Variants in IGF2R observed in about 807,000 individuals in gnomAD.
IGF2R encodes cation-independent mannose-6-phosphate receptor.
In IGF2R, 91 loss-of-function variants were observed where a neutral mutation model predicts 270.6. The ratio of observed to expected loss-of-function variants is 0.34; its 90% CI spans 0.28 to 0.40. IGF2R has a LOEUF of 0.40. Among genes scored for constraint, IGF2R ranks in the 10% least tolerant of loss-of-function variants. IGF2R has a pLI of 1.00. For synonymous variants in IGF2R, 1,316 were observed against 1,258.9 expected (o/e 1.05, Z -0.96); for missense variants, 2,805 against 3,188.3 (o/e 0.88, Z 2.90).
At chr6:160,061,708 G>A in intron 24 of IGF2R, 45 bp from the exon 25 acceptor site, 1 of 1,613,512 alleles carries the variant, frequency 6.2e-7, no homozygotes, top group Non-Finnish European at 8.5e-7. Flanking sequence ...TTGACTCAAG[G>A]TCATCGCCTT....
In IGF2R at chr6:160,073,900, A is replaced by G. The variant is rs1425115448; in HGVS notation, c.5091A>G (p.Pro1697=). 6.2e-7 allele frequency: 1 copy of G among 1,614,218 alleles called. No homozygotes were observed. The highest frequency in any genetic ancestry group is 8.5e-7 in the Non-Finnish European group (1 of 1,180,034). ...ATTTCTACATCAATATTTGTCAGCC[A>G]CTAAATCCCATGCACGGAGTGCCCT... ...NPDFYINICQ[P]LNPMHGVPCP... Residue 1697 remains proline, a synonymous_variant, in exon 35 of 48, where the codon CCA becomes CCG. Transcript: ENST00000356956.
intron 36 of IGF2R, 64 bp from the exon 37 acceptor site, chr6:160,078,137 T>C (rs1432094876): frequency 6.5e-7 from 1 of 1,527,716 alleles, no homozygotes; most frequent in African/African-American, 1.4e-5. Context: ...AGGGACGTGG[T>C]GTGTCACTGC....
intron 17 of IGF2R, 124 bp from the exon 18 acceptor site, chr6:160,048,251 C>G: frequency 2.1e-6 from 2 of 930,716 alleles, no homozygotes; most frequent in Non-Finnish European, 3.4e-6. Context: ...AAGCCAACTC[C>G]TGGTAGTGTG....
At chr6:159,979,261 T>G (rs1294963747) in intron 1 of IGF2R, among the ~76,000 whole-genome samples, 1 of 152,116 alleles carries the variant, frequency 6.6e-6, no homozygotes, top group Non-Finnish European at 1.5e-5. Context: ...TGTTTAGTAC[T>G]GAAAAAACTC....
chr6:160,045,926 C>T (rs1197386713), intron 14 of IGF2R, 44 bp downstream of exon 14: 2 of 1,466,398 alleles, frequency 1.4e-6, no homozygotes, highest in African/African-American at 1.4e-5. Flanking sequence ...GACTTGGAAC[C>T]ACTTAAGGTT....
At chr6:159,976,335 A>G (rs758334541) in intron 1 of IGF2R, among the ~76,000 whole-genome samples, 13 of 152,146 alleles carry the variant, frequency 8.5e-5, no homozygotes, top group Non-Finnish European at 1.6e-4. Context: ...TTGATACTCT[A>G]TAGCTCTAGG....
In IGF2R at chr6:160,070,065, G is replaced by A. The variant is rs568979667; in HGVS notation, c.4443+7G>A. ...CTGCAGCGAGAGCCAAGTGGTAAGGGACTGTTCCTGCACCTTCTGCTGTTG... is the reference window on the plus strand; with the variant it reads ...CTGCAGCGAGAGCCAAGTGGTAAGGAACTGTTCCTGCACCTTCTGCTGTTG... On this transcript the variant is annotated splice_region_variant and intron_variant, in intron 31 of 47. Transcript: ENST00000356956. 1.4e-5 allele frequency: 23 copies of A among 1,613,668 alleles called. 1 individual carries two copies. The South Asian group carries it at 2.4e-4, about 17-fold the overall frequency.
chr6:160,011,567 T>G (rs1784335672), intron 4 of IGF2R, among the ~76,000 whole-genome samples: 1 of 151,676 alleles, frequency 6.6e-6, no homozygotes, highest in South Asian at 2.1e-4. Flanking sequence ...TTTTTTTTTT[T>G]TGTGAGGACT....
In IGF2R at chr6:159,978,182, A is replaced by T. The variant is rs189097587; in HGVS notation, c.149+8787A>T. 3.3e-5 allele frequency among the ~76,000 whole-genome samples: 5 copies of T among 152,214 alleles called. No individual in the cohort carries two copies. In the East Asian group the frequency reaches 9.6e-4, roughly 29 times the overall value. On this transcript the variant is annotated intron_variant, in intron 1 of 47. Transcript: ENST00000356956. ...CACTCCACGTAAGCTTCCTCATGAG[A>T]AAGAAAGGTTTCCACTGTTTAAAAA...
chr6:160,030,390 C>G (rs550103695), intron 7 of IGF2R, among the ~76,000 whole-genome samples: 1 of 152,302 alleles, frequency 6.6e-6, no homozygotes, highest in Non-Finnish European at 1.5e-5. Context: ...CCCCTTCCCC[C>G]AAGCAAATGT....
At chr6:159,986,354 C>T (rs1312494759) in intron 1 of IGF2R, among the ~76,000 whole-genome samples, 1 of 151,424 alleles carries the variant, frequency 6.6e-6, no homozygotes, top group East Asian at 1.9e-4. Flanking sequence ...GCCTCAGCCT[C>T]CCGAGTAGTT....
intron 34 of IGF2R, 121 bp from the exon 35 acceptor site, chr6:160,073,636 C>A (rs1309137220): frequency 1.2e-5 from 13 of 1,071,950 alleles, no homozygotes; most frequent in Non-Finnish European, 1.8e-5. Flanking sequence ...TGTAATGAAG[C>A]ATTTTGACAC....
chr6:160,077,806 A>G (rs530352567), intron 36 of IGF2R, among the ~76,000 whole-genome samples: 1 of 152,394 alleles, frequency 6.6e-6, no homozygotes, highest in East Asian at 1.9e-4. Context: ...GCCATGTGGC[A>G]TCTTGCCCCT....
intron 6 of IGF2R, 58 bp downstream of exon 6, chr6:160,027,372 T>A: frequency 6.5e-7 from 1 of 1,539,864 alleles, no homozygotes. Context: ...GACCTGACTT[T>A]CAGGGAGCTG....
chr6:160,039,513 C>T (rs552893171), intron 10 of IGF2R, among the ~76,000 whole-genome samples: 28 of 152,248 alleles, frequency 1.8e-4, no homozygotes, highest in Admixed American at 2.6e-4. Flanking sequence ...ACAGGTTTGC[C>T]GCTGTGGCTG....
intron 1 of IGF2R, among the ~76,000 whole-genome samples, chr6:159,988,069 A>G (rs1002985342): frequency 1.3e-5 from 2 of 152,222 alleles, no homozygotes; most frequent in Non-Finnish European, 2.9e-5. Context: ...TGAATAGAGC[A>G]ACACTTTTCT....
At position 160,105,087 on chromosome 6, in the gene IGF2R, C is replaced by T; in HGVS notation, c.*3C>T. 1 of 1,561,400 alleles carries T rather than the reference C, an allele frequency of 6.4e-7. No homozygotes were observed. Among genetic ancestry groups the T allele is most frequent in the Non-Finnish European group, 8.7e-7 (1 of 1,152,560 alleles). ...ACGAGGACCTCTTACACATCTGACT[C>T]CGCAGTGCCTGCAGGGGAGCACGGA... On this transcript the variant is annotated 3_prime_UTR_variant, in exon 48 of 48. Coordinates refer to ENST00000356956, the MANE Select transcript of IGF2R (RefSeq NM_000876.4).
At chr6:160,100,841 A>AGT (rs1779470346) in intron 45 of IGF2R, among the ~76,000 whole-genome samples, 1 of 104,920 alleles carries the variant, frequency 9.5e-6, no homozygotes, top group Non-Finnish European at 1.9e-5. Context: ...CCCAGGCTGG[A>AGT]GTGCAGTGGT....
chr6:160,063,010 T>C (rs1778474987), intron 26 of IGF2R, among the ~76,000 whole-genome samples: 1 of 148,384 alleles, frequency 6.7e-6, no homozygotes, highest in Non-Finnish European at 1.5e-5. Flanking sequence ...CATTTATAGC[T>C]GGTATTTACC....
Sources: allele counts gnomAD v4.1 joint callset (sites outside exome capture counted in the v4.1 genomes callset), GRCh38; gene constraint gnomAD v4.1.1; transcripts MANE v1.5; gene names NCBI Gene and HGNC (gene_info 2026-07-23, HGNC 2026-07-21).